The following TSC2 variants were observed in gnomAD, a reference collection of about 807,000 sequenced individuals.
TSC2 encodes the protein tuberin.
Under a neutral mutation model 202.2 loss-of-function variants are expected in TSC2, and 29 were observed. That is an observed-to-expected ratio of 0.14 (90% confidence interval 0.11 to 0.20). The LOEUF (loss-of-function observed/expected upper bound fraction) is 0.20. Ranked by LOEUF, TSC2 falls within the 10% of genes least tolerant of loss-of-function variation. TSC2 has a pLI of 1.00. For synonymous variants in TSC2, 1,349 were observed against 1,044.0 expected (o/e 1.29, Z -5.63); for missense variants, 2,429 against 2,420.0 (o/e 1.00, Z -0.08).
At chr16:2,087,739 A>G in intron 38 of TSC2, 124 bp from the exon 39 acceptor site, 2 of 1,227,824 alleles carry the variant, frequency 1.6e-6, no homozygotes, top group South Asian at 1.3e-5. Context: ...GCCAGAGGGG[A>G]AAGTTCAGGG....
intron 9 of TSC2, among the ~76,000 whole-genome samples, chr16:2,057,505 C>T (rs1418621086): frequency 6.6e-6 from 1 of 152,144 alleles, no homozygotes; most frequent in Non-Finnish European, 1.5e-5. Context: ...CTCACCCCCA[C>T]AGCCAGGCTG....
At chr16:2,059,754 G>C (rs1232473249) in intron 10 of TSC2, among the ~76,000 whole-genome samples, 7 of 151,988 alleles carry the variant, frequency 4.6e-5, no homozygotes, top group African/African-American at 1.4e-4. Context: ...CCCGACCTCA[G>C]GTGATCCGCC....
intron 14 of TSC2, 77 bp downstream of exon 14, chr16:2,063,130 T>G (rs2086849496): frequency 2.7e-5 from 40 of 1,485,960 alleles, no homozygotes; most frequent in Non-Finnish European, 3.0e-5. Flanking sequence ...GTGCACGTGC[T>G]CCCGCAGAGC....
rs749976169 is a variant in TSC2, at chr16:2,081,804, T to C, written c.3814+6T>C. ...TCTGCCTCGCTCCAACACAGGTGAG[T>C]GGCATGGCGGGCCTTGGCACGGGCT... On this transcript the variant is annotated splice_donor_region_variant and intron_variant, in intron 31 of 41. Coordinates refer to ENST00000219476, the MANE Select transcript of TSC2 (RefSeq NM_000548.5). 3 of 1,611,754 alleles carry C rather than the reference T, an allele frequency of 1.9e-6. No individual in the cohort carries two copies. The highest frequency in any genetic ancestry group is 1.1e-5 in the South Asian group (1 of 91,012).
At chr16:2,071,471 C>A (rs751931493) in intron 17 of TSC2, 39 bp from the exon 18 acceptor site, 1 of 1,610,530 alleles carries the variant, frequency 6.2e-7, no homozygotes, top group Non-Finnish European at 8.5e-7. Context: ...TGGGCCTGCA[C>A]GAGCTTGGCT....
intron 2 of TSC2, among the ~76,000 whole-genome samples, chr16:2,049,215 A>G (rs1443111307): frequency 1.3e-5 from 2 of 151,954 alleles, no homozygotes; most frequent in African/African-American, 4.8e-5. Flanking sequence ...CCTCCTGAGT[A>G]GCTGGGACTA....
Position 2,088,337 on chromosome 16 carries a change from G to A in TSC2, c.5259+12G>A, listed in dbSNP as rs1329810712. ...GGCTCCGCCAGCGGGTAGGGAATAT[G>A]GGGCTCCCTCAGCGGGGTGTGCTGG... On this transcript the variant is annotated intron_variant, in intron 41 of 41. Transcript: ENST00000219476. 1 of 1,612,502 alleles carries A rather than the reference G, an allele frequency of 6.2e-7. No individual in the cohort carries two copies. The highest frequency in any genetic ancestry group is 8.5e-7 in the Non-Finnish European group (1 of 1,179,974).
chr16:2,062,420 C>T (rs1320275666), intron 12 of TSC2, 77 bp from the exon 13 acceptor site: 46 of 1,416,722 alleles, frequency 3.2e-5, no homozygotes, highest in Non-Finnish European at 4.1e-5. Context: ...GCAAACCAGC[C>T]TCTCGACCAG....
chr16:2,061,058 A>C (rs2086579116), intron 11 of TSC2: 1 of 552,478 alleles, frequency 1.8e-6, no homozygotes, highest in East Asian at 3.3e-5. Context: ...GGGCTGGGCC[A>C]GTGCTGTCCA....
rs1191824850 is a variant in TSC2 at position 2,084,404 on chromosome 16, G to A, written c.4182G>A (p.Leu1394=). Residue 1394 remains leucine, a synonymous_variant, in exon 34 of 42, where the codon CTG becomes CTA. Coordinates refer to ENST00000219476, the MANE Select transcript of TSC2 (RefSeq NM_000548.5). The part of the protein sequence containing the change: ...KSSSSPELQT[L]QDILGDPGDK... ...GCTCCTCTCCCGAGCTGCAGACTCT[G>A]CAGGACATCCTCGGGGACCCTGGGG... 6.2e-7 allele frequency: 1 copy of A among 1,611,922 alleles called. No homozygotes were observed. Among genetic ancestry groups the A allele is most frequent in the African/African-American group, 1.3e-5 (1 of 74,914 alleles).
intron 29 of TSC2, 86 bp from the exon 30 acceptor site, chr16:2,080,079 C>T: frequency 6.4e-7 from 1 of 1,571,018 alleles, no homozygotes; most frequent in Non-Finnish European, 8.7e-7. Flanking sequence ...CACTAGCTTG[C>T]CAGGCTCGGG....
chr16:2,085,221 G>T lies in TSC2; in HGVS notation c.4570-9G>T. The T allele has an allele frequency of 6.2e-7, 1 of 1,612,644 alleles. No individual in the cohort carries two copies. Among genetic ancestry groups the T allele is most frequent in the Non-Finnish European group, 8.5e-7 (1 of 1,179,858 alleles). On this transcript the variant is annotated splice_polypyrimidine_tract_variant and intron_variant, in intron 35 of 41. Transcript: ENST00000219476. ...GTCTGGGGCTCAGGCAGGGCTCTGT[G>T]TGCCACAGTCACAGTCCTTTGAGCG...
intron 31 of TSC2, 144 bp downstream of exon 31, chr16:2,081,942 T>C (rs1273732353): frequency 3.3e-6 from 4 of 1,202,632 alleles, no homozygotes; most frequent in Non-Finnish European, 4.7e-6. Context: ...TGTTCTCCGG[T>C]GTTTGGGAGG....
At position 2,081,215 on chromosome 16, in the gene TSC2, C is replaced by T. The variant is rs932960376; in HGVS notation, c.3611-380C>T. 5.3e-5 allele frequency: 19 copies of T among 359,092 alleles called. 1 individual carries two copies. The highest frequency in any genetic ancestry group is 3.3e-4 in the South Asian group (14 of 42,874). 22.2% of individuals were successfully genotyped at this position (359,092 alleles called of 1,614,324 possible). On this transcript the variant is annotated intron_variant, in intron 30 of 41. Transcript: ENST00000219476. ...TGTTCCCAGGGGCAGAGGGAGCCCC[C>T]GCAGAGGCCCAGAGCCCAGGGACAG... is the stretch of plus-strand genomic sequence containing the variant.
At chr16:2,051,364 A>G (rs1596250375) in intron 3 of TSC2, among the ~76,000 whole-genome samples, 1 of 151,808 alleles carries the variant, frequency 6.6e-6, no homozygotes, top group Admixed American at 6.6e-5. Context: ...ATAGAAACGC[A>G]TGCTCACTCG....
rs1286917226 is a variant in TSC2 at position 2,053,369 on chromosome 16, G to A, written c.253G>A (p.Val85Ile). ...EHAVEALWKAVADLLQPERPL... is the reference protein window; with the variant it reads ...EHAVEALWKAIADLLQPERPL... ...CGCAGTGGAAGCACTCTGGAAGGCG[G>A]TCGCGGATCTGTTGCAGCCGGAGCG... Residue 85 changes from valine to isoleucine, a missense_variant, in exon 4 of 42, where the codon GTC becomes ATC. Val to Ile is a conservative substitution (Grantham distance 29). Transcript: ENST00000219476. 1 of 1,589,868 alleles carries A rather than the reference G, an allele frequency of 6.3e-7. No homozygotes were observed.
Position 2,072,928 on chromosome 16 carries a change from T to G in TSC2, c.2300T>G (p.Val767Gly), listed in dbSNP as rs769222659. Residue 767 changes from valine to glycine, a missense_variant, in exon 21 of 42, where the codon GTT becomes GGT. By Grantham distance (109) the Val-to-Gly change is moderately radical. Coordinates refer to ENST00000219476, the MANE Select transcript of TSC2 (RefSeq NM_000548.5). ...AGAACTGACTTGCACCTGGCCGTGGTTCCAGTGCTGACAGCATTAATCTCT... is the reference window on the plus strand; with the variant it reads ...AGAACTGACTTGCACCTGGCCGTGGGTCCAGTGCTGACAGCATTAATCTCT... ...FSRTDLHLAV[V>G]PVLTALISYH... 1 of 1,613,600 alleles carries G rather than the reference T, an allele frequency of 6.2e-7. No individual in the cohort carries two copies. Among genetic ancestry groups the G allele is most frequent in the Non-Finnish European group, 8.5e-7 (1 of 1,180,032 alleles).
At chr16:2,054,468 C>T (rs2151045670) in intron 5 of TSC2, 28 bp downstream of exon 5, 1 of 1,613,892 alleles carries the variant, frequency 6.2e-7, no homozygotes, top group Non-Finnish European at 8.5e-7. Context: ...TTGGAGGTTT[C>T]TCTGGCCTTG....
At chr16:2,066,651 C>CTTTTTTTT (rs34619573) in intron 16 of TSC2, among the ~76,000 whole-genome samples, 16 of 98,454 alleles carry the variant, frequency 1.6e-4, no homozygotes, top group East Asian at 3.0e-4. Context: ...TCTGATTTAT[C>CTTTTTTTT]TTTTTTTTTT....
Sources: allele counts gnomAD v4.1 joint callset (sites outside exome capture counted in the v4.1 genomes callset), GRCh38; gene constraint gnomAD v4.1.1; transcripts MANE v1.5; gene names NCBI Gene and HGNC (gene_info 2026-07-23, HGNC 2026-07-21).